Variants in PDSS2 observed in about 807,000 individuals in gnomAD.
The protein encoded by PDSS2 is decaprenyl diphosphate synthase subunit 2.
A neutral mutation model predicts 44.5 loss-of-function variants in PDSS2; 31 were observed. That is an observed-to-expected ratio of 0.70 (90% confidence interval 0.52 to 0.94). The LOEUF (loss-of-function observed/expected upper bound fraction) is 0.94. PDSS2 is among the 40% of genes least tolerant of loss of function. The pLI is 0.00. For missense variants in PDSS2, 452 were observed against 482.2 expected (o/e 0.94, Z 0.59); for synonymous variants, 157 against 180.3 (o/e 0.87, Z 1.03).
intron 1 of PDSS2, among the ~76,000 whole-genome samples, chr6:107,435,890 AT>A (rs1433408094): frequency 6.6e-6 from 1 of 152,162 alleles, no homozygotes; most frequent in East Asian, 1.9e-4. Flanking sequence ...CAGGAGAATA[AT>A]TTTTTAAAGC....
At chr6:107,261,819 T>C (rs1775239280) in intron 3 of PDSS2, among the ~76,000 whole-genome samples, 1 of 151,268 alleles carries the variant, frequency 6.6e-6, no homozygotes, top group Admixed American at 6.6e-5. Context: ...CCTCAGGTGA[T>C]CAACCTGCCT....
At chr6:107,241,344 C>CTTTT (rs58623641) in intron 4 of PDSS2, among the ~76,000 whole-genome samples, 22 of 77,970 alleles carry the variant, frequency 2.8e-4, no homozygotes, top group Non-Finnish European at 4.4e-4. Flanking sequence ...TCTTCTTCTT[C>CTTTT]TTTTTTTTTT....
chr6:107,180,080 C>T (rs1771918977), intron 7 of PDSS2, among the ~76,000 whole-genome samples: 1 of 152,336 alleles, frequency 6.6e-6, no homozygotes, highest in Non-Finnish European at 1.5e-5. Context: ...ACCCATGCCT[C>T]TCCACTATAT....
chr6:107,201,390 CAAAAAAA>C (rs747612959), intron 6 of PDSS2, among the ~76,000 whole-genome samples: 11 of 52,156 alleles, frequency 2.1e-4, no homozygotes, highest in African/African-American at 6.8e-4. Context: ...CATACAAAAG[CAAAAAAA>C]AAAAAAAAAA....
chr6:107,229,134 T>C (rs1180990088), intron 4 of PDSS2, among the ~76,000 whole-genome samples: 1 of 152,170 alleles, frequency 6.6e-6, no homozygotes, highest in African/African-American at 2.4e-5. Context: ...CATGTATATA[T>C]AATTAAGACA....
chr6:107,178,151 TATAAG>T (rs1771857957), intron 7 of PDSS2, among the ~76,000 whole-genome samples: 1 of 152,206 alleles, frequency 6.6e-6, no homozygotes, highest in African/African-American at 2.4e-5. Context: ...TACATCCTGA[TATAAG>T]ATGAGTTTAA....
chr6:107,165,297 G>A (rs1386878120), intron 7 of PDSS2, among the ~76,000 whole-genome samples: 2 of 152,068 alleles, frequency 1.3e-5, no homozygotes, highest in Admixed American at 6.6e-5. Context: ...TATGGTTTTA[G>A]GTCTAACATT....
At chr6:107,268,461 T>C (rs538198624) in intron 3 of PDSS2, among the ~76,000 whole-genome samples, 2 of 152,256 alleles carry the variant, frequency 1.3e-5, no homozygotes, top group Admixed American at 1.3e-4. Context: ...ACAGGTTCTA[T>C]TCAAAAACTG....
At chr6:107,429,992 C>T (rs562171057) in intron 1 of PDSS2, among the ~76,000 whole-genome samples, 2 of 143,404 alleles carry the variant, frequency 1.4e-5, no homozygotes, top group South Asian at 4.7e-4. Flanking sequence ...AAATGTCTCC[C>T]CTTTACTCTT....
In PDSS2 at chr6:107,154,709, G is replaced by A. The variant is rs1403989367; in HGVS notation, c.1110C>T (p.Asn370=). 2 of 1,614,122 alleles carry A rather than the reference G, an allele frequency of 1.2e-6. No individual in the cohort carries two copies. The highest frequency in any genetic ancestry group is 1.3e-5 in the African/African-American group (1 of 75,060). Residue 370 remains asparagine, a synonymous_variant, in exon 8 of 8, where the codon AAC becomes AAT. Coordinates refer to ENST00000369037, the MANE Select transcript of PDSS2 (RefSeq NM_020381.4). ...AGCTCTCCAGGGCCTCCAGTGCCTTGTTTCCATGGTAACGACACAGGTCAA... is the reference window on the plus strand; with the variant it reads ...AGCTCTCCAGGGCCTCCAGTGCCTTATTTCCATGGTAACGACACAGGTCAA... The part of the protein sequence containing the change: ...SAIDLCRYHG[N]KALEALESFP...
chr6:107,352,353 AAAG>A (rs1467334882), intron 1 of PDSS2, among the ~76,000 whole-genome samples: 1 of 152,244 alleles, frequency 6.6e-6, no homozygotes, highest in African/African-American at 2.4e-5. Context: ...GAATACATGC[AAAG>A]AATATGGACT....
intron 2 of PDSS2, among the ~76,000 whole-genome samples, chr6:107,315,591 T>C (rs1777174810): frequency 6.6e-6 from 1 of 152,036 alleles, no homozygotes; most frequent in Non-Finnish European, 1.5e-5. Context: ...GAGAATTCAT[T>C]AAAAAGAAAA....
chr6:107,265,324 C>T (rs367603519), intron 3 of PDSS2, among the ~76,000 whole-genome samples: 3 of 152,040 alleles, frequency 2.0e-5, no homozygotes, highest in African/African-American at 7.2e-5. Context: ...CAGAGATAAA[C>T]ACATCATATA....
At chr6:107,252,286 T>C (rs776804521) in intron 3 of PDSS2, among the ~76,000 whole-genome samples, 60 of 152,288 alleles carry the variant, frequency 3.9e-4, no homozygotes, top group Middle Eastern at 6.8e-3. Flanking sequence ...ATGTAGACAA[T>C]GATGAAAGGG....
At chr6:107,337,455 G>T (rs906758234) in intron 1 of PDSS2, among the ~76,000 whole-genome samples, 1 of 152,122 alleles carries the variant, frequency 6.6e-6, no homozygotes, top group African/African-American at 2.4e-5. Context: ...GACAAGCCTA[G>T]GTCTGAAAAA....
At chr6:107,257,409 T>C (rs1405510922) in intron 3 of PDSS2, among the ~76,000 whole-genome samples, 2 of 149,792 alleles carry the variant, frequency 1.3e-5, no homozygotes, top group Admixed American at 6.6e-5. Flanking sequence ...CATGGTGTCT[T>C]GCGCTGTAGT....
chr6:107,357,009 CA>C (rs958743651), intron 1 of PDSS2, among the ~76,000 whole-genome samples: 2 of 152,154 alleles, frequency 1.3e-5, no homozygotes, highest in African/African-American at 4.8e-5. Flanking sequence ...ACACACAAAA[CA>C]GGAAAAAATA....
chr6:107,185,665 T>G (rs1772141071), intron 7 of PDSS2, among the ~76,000 whole-genome samples: 1 of 152,146 alleles, frequency 6.6e-6, no homozygotes, highest in Non-Finnish European at 1.5e-5. Flanking sequence ...AACATATTCG[T>G]TTTCTTTTAG....
intron 2 of PDSS2, among the ~76,000 whole-genome samples, chr6:107,304,299 C>T (rs1776787957): frequency 6.6e-6 from 1 of 152,214 alleles, no homozygotes; most frequent in African/African-American, 2.4e-5. Flanking sequence ...TGGGAGTTGC[C>T]AGAGGCAATG....
Sources: gnomAD v4.1 joint callset for allele counts (sites outside exome capture counted in the v4.1 genomes callset) on GRCh38, gnomAD v4.1.1 for gene constraint, MANE v1.5 for transcripts, NCBI Gene and HGNC (gene_info 2026-07-23, HGNC 2026-07-21) for gene names.